The following DCLK1 variants were observed in gnomAD, a reference collection of about 807,000 sequenced individuals.
DCLK1 encodes doublecortin like kinase 1.
In DCLK1, 16 loss-of-function variants were observed where a neutral mutation model predicts 86.2. The observed-to-expected ratio is 0.19, with a 90% CI of 0.13 to 0.28. DCLK1 has a LOEUF of 0.28. Ranked by LOEUF, DCLK1 falls within the 10% of genes least tolerant of loss-of-function variation. DCLK1 has a pLI of 1.00. For missense variants in DCLK1, 590 were observed against 940.2 expected, an observed-to-expected ratio of 0.63 and a Z score of 4.87; for synonymous variants, 369 against 370.5, an observed-to-expected ratio of 1.00 and a Z score of 0.05.
intron 10 of DCLK1, among the ~76,000 whole-genome samples, chr13:35,827,149 C>G (rs1025860324): frequency 6.6e-6 from 1 of 152,188 alleles, no homozygotes; most frequent in African/African-American, 2.4e-5. Context: ...CACTGAAAGT[C>G]AGTACACTAT....
rs1326420812 is a variant in DCLK1, at chr13:35,773,541, A to T, written c.*994T>A. ...TGTGCCCCAGCTCTCCTATGTGTGGATTTCATACTAGATGTAGATTGCACA... is the reference window on the plus strand; with the variant it reads ...TGTGCCCCAGCTCTCCTATGTGTGGTTTTCATACTAGATGTAGATTGCACA... On this transcript the variant is annotated 3_prime_UTR_variant, in exon 17 of 17. Coordinates refer to ENST00000360631, the MANE Select transcript of DCLK1 (RefSeq NM_001330071.2). 6.6e-6 allele frequency: 1 copy of T among 151,094 alleles called. No homozygotes were observed. Among genetic ancestry groups the T allele is most frequent in the East Asian group, 1.9e-4 (1 of 5,158 alleles). The allele number at this position is 151,094 out of a possible 1,614,324, so 9.4% of individuals were successfully genotyped here.
chr13:35,817,638 C>G (rs1283818260), intron 11 of DCLK1, among the ~76,000 whole-genome samples: 1 of 152,112 alleles, frequency 6.6e-6, no homozygotes, highest in East Asian at 1.9e-4. Context: ...TCACCATGCC[C>G]CAAGTGGTAC....
chr13:36,013,983 G>C (rs545399377), intron 3 of DCLK1, among the ~76,000 whole-genome samples: 1 of 152,186 alleles, frequency 6.6e-6, no homozygotes, highest in African/African-American at 2.4e-5. Context: ...AGGTGCGTCC[G>C]TCACCCCTTT....
intron 14 of DCLK1, among the ~76,000 whole-genome samples, 160 bp downstream of exon 14, chr13:35,808,064 T>C (rs1434699674): frequency 6.6e-6 from 1 of 152,214 alleles, no homozygotes; most frequent in Non-Finnish European, 1.5e-5. Context: ...AACAGATGAC[T>C]TGATGACTGT....
intron 3 of DCLK1, among the ~76,000 whole-genome samples, chr13:36,047,269 T>G (rs930358683): frequency 6.6e-6 from 1 of 152,152 alleles, no homozygotes; most frequent in Admixed American, 6.5e-5. Context: ...GAAAACAGTA[T>G]GGAGGTTCCT....
intron 4 of DCLK1, among the ~76,000 whole-genome samples, chr13:35,926,412 T>C (rs920697613): frequency 6.6e-6 from 1 of 152,224 alleles, no homozygotes; most frequent in African/African-American, 2.4e-5. Flanking sequence ...CACTCAACAG[T>C]GCGCCACATG....
intron 5 of DCLK1, among the ~76,000 whole-genome samples, chr13:35,868,569 T>C (rs967271908): frequency 1.3e-5 from 2 of 152,184 alleles, no homozygotes; most frequent in South Asian, 4.1e-4. Context: ...CTAATTTTGT[T>C]TTTTAATATT....
At chr13:35,936,119 A>C (rs1344731935) in intron 4 of DCLK1, among the ~76,000 whole-genome samples, 2 of 152,220 alleles carry the variant, frequency 1.3e-5, no homozygotes, top group African/African-American at 4.8e-5. Flanking sequence ...CAAGACAGCA[A>C]GACACTATGA....
At chr13:35,938,705 G>A (rs1322843668) in intron 4 of DCLK1, among the ~76,000 whole-genome samples, 1 of 152,034 alleles carries the variant, frequency 6.6e-6, no homozygotes, top group Non-Finnish European at 1.5e-5. Context: ...AAGGGTTCCA[G>A]TTGGGGATGG....
At chr13:36,045,431 G>C (rs1169453457) in intron 3 of DCLK1, among the ~76,000 whole-genome samples, 1 of 141,358 alleles carries the variant, frequency 7.1e-6, no homozygotes, top group African/African-American at 2.6e-5. Context: ...ATTAGCAAAT[G>C]TATAAATGTT....
Position 35,869,919 on chromosome 13 carries a change from G to A in DCLK1, c.940+1305C>T, listed in dbSNP as rs189677304. On this transcript the variant is annotated intron_variant, in intron 5 of 16. Coordinates refer to ENST00000360631, the MANE Select transcript of DCLK1 (RefSeq NM_001330071.2). ...GTTTAGGTCCTTAGTCAGAATCTCAGGGTGTGGGGGTTCAGGATGACAAAC... is the reference window on the plus strand; with the variant it reads ...GTTTAGGTCCTTAGTCAGAATCTCAAGGTGTGGGGGTTCAGGATGACAAAC... Among the ~76,000 whole-genome samples, 303 of 152,276 alleles carry A rather than the reference G, an allele frequency of 2.0e-3. 1 individual carries two copies. Among genetic ancestry groups the A allele is most frequent in the African/African-American group, 6.7e-3 (278 of 41,570 alleles).
At chr13:36,104,296 T>C (rs1179003755) in intron 3 of DCLK1, among the ~76,000 whole-genome samples, 1 of 152,174 alleles carries the variant, frequency 6.6e-6, no homozygotes, top group Non-Finnish European at 1.5e-5. Context: ...TCCAGCTACT[T>C]AGTCATTCAG....
intron 4 of DCLK1, among the ~76,000 whole-genome samples, chr13:35,888,693 C>G: frequency 6.6e-6 from 1 of 152,180 alleles, no homozygotes; most frequent in East Asian, 1.9e-4. Context: ...GCCAAGACGC[C>G]TGAAATCAGA....
chr13:35,816,657 C>T (rs1001632313), intron 11 of DCLK1, among the ~76,000 whole-genome samples: 1 of 152,164 alleles, frequency 6.6e-6, no homozygotes, highest in African/African-American at 2.4e-5. Flanking sequence ...TGTTACACAG[C>T]AAATAAGTGG....
At chr13:35,802,740 G>A (rs1177283118) in intron 15 of DCLK1, among the ~76,000 whole-genome samples, 1 of 152,068 alleles carries the variant, frequency 6.6e-6, no homozygotes, top group African/African-American at 2.4e-5. Context: ...TGCAAAGGAT[G>A]AGCTCTTTAA....
intron 10 of DCLK1, among the ~76,000 whole-genome samples, chr13:35,826,651 G>A (rs1868490755): frequency 6.6e-6 from 1 of 151,730 alleles, no homozygotes; most frequent in Non-Finnish European, 1.5e-5. Flanking sequence ...TATGTCTAAG[G>A]TGAAGCAATT....
chr13:36,076,036 TA>T (rs1884200559), intron 3 of DCLK1, among the ~76,000 whole-genome samples: 1 of 152,132 alleles, frequency 6.6e-6, no homozygotes, highest in African/African-American at 2.4e-5. Flanking sequence ...AAAAAAATGC[TA>T]ATTTTGTCTT....
intron 3 of DCLK1, among the ~76,000 whole-genome samples, chr13:35,994,108 CA>C (rs5802798): frequency 0.84 from 121,219 of 145,160 alleles, 50,237 homozygotes; most frequent in East Asian, 0.96. Context: ...ATGCAGCTTC[CA>C]AAAAAAAAAA....
intron 4 of DCLK1, among the ~76,000 whole-genome samples, chr13:35,941,994 ATCTT>A (rs1877109642): frequency 6.6e-6 from 1 of 151,636 alleles, no homozygotes; most frequent in East Asian, 2.0e-4. Flanking sequence ...TTTTCTTTCT[ATCTT>A]TCTTTCACAC....
Sources: allele counts gnomAD v4.1 joint callset (sites outside exome capture counted in the v4.1 genomes callset), GRCh38; gene constraint gnomAD v4.1.1; transcripts MANE v1.5; gene names NCBI Gene and HGNC (gene_info 2026-07-23, HGNC 2026-07-21).